Variants in MAP3K20 observed in about 807,000 individuals in gnomAD.
MAP3K20 encodes HCCS-4.
In MAP3K20, 40 loss-of-function variants were observed where a neutral mutation model predicts 85.7. That is an observed-to-expected ratio of 0.47 (90% CI 0.36 to 0.61). MAP3K20 has a LOEUF of 0.61. Among genes scored for constraint, MAP3K20 ranks in the 20% least tolerant of loss-of-function variants. MAP3K20 has a pLI of 0.00. For missense variants in MAP3K20, 817 were observed against 961.7 expected (o/e 0.85, Z 1.99); for synonymous variants, 325 against 327.7 (o/e 0.99, Z 0.09).
rs1039832072 is a variant in MAP3K20, at chr2:173,232,530, G to A, written c.1203+71G>A. On this transcript the variant is annotated intron_variant, in intron 14 of 19. Transcript: ENST00000375213. ...TTTGTTTGGTTTTTTTTGAGGCAGAGTCTTGCTCTGTTGCCCAGGCTGGAG... is the reference window on the plus strand; with the variant it reads ...TTTGTTTGGTTTTTTTTGAGGCAGAATCTTGCTCTGTTGCCCAGGCTGGAG... 8 of 1,576,104 alleles carry A rather than the reference G, an allele frequency of 5.1e-6. No individual in the cohort carries two copies. The Admixed American group carries it at 1.5e-4, about 29-fold the overall frequency.
At chr2:173,113,764 A>G (rs12997078) in intron 2 of MAP3K20, among the ~76,000 whole-genome samples, 42,752 of 152,006 alleles carry the variant, frequency 0.28, 7,434 homozygotes, top group Non-Finnish European at 0.39. Flanking sequence ...AGTGCTTGAT[A>G]TAATTTCAGT....
chr2:173,128,992 C>T (rs549833003), intron 2 of MAP3K20, among the ~76,000 whole-genome samples: 147 of 142,246 alleles, frequency 1.0e-3, no homozygotes, highest in African/African-American at 3.9e-3. Flanking sequence ...GGCGCAATCT[C>T]GGCTCACTGC....
intron 15 of MAP3K20, among the ~76,000 whole-genome samples, chr2:173,238,639 G>T (rs1684709572): frequency 6.6e-6 from 1 of 152,112 alleles, no homozygotes; most frequent in Non-Finnish European, 1.5e-5. Context: ...TTAACAATTT[G>T]TTCATGATAA....
At chr2:173,225,815 G>A (rs1209442779) in intron 11 of MAP3K20, 22 of 984,364 alleles carry the variant, frequency 2.2e-5, no homozygotes, top group Admixed American at 6.2e-5. Flanking sequence ...CCCTAAAAAT[G>A]GTTTCTTTCT....
Position 173,223,940 on chromosome 2 carries a change from T to C in MAP3K20, c.988-5749T>C, listed in dbSNP as rs79674068. 126 of 985,350 alleles carry C rather than the reference T, an allele frequency of 1.3e-4. 2 individuals carry two copies. Among genetic ancestry groups the C allele is most frequent in the African/African-American group, 4.9e-4 (28 of 57,306 alleles). The allele number at this position is 985,350 out of a possible 1,614,324, so 61.0% of individuals were successfully genotyped here. On this transcript the variant is annotated intron_variant, in intron 11 of 19. Coordinates refer to ENST00000375213, the MANE Select transcript of MAP3K20 (RefSeq NM_016653.3). ...GTCAGCCACCTGAAGAGAGAGCCAA[T>C]AGCATGGGGTTTACAAGGCAAAGAT...
At chr2:173,223,993 A>C (rs1684320994) in intron 11 of MAP3K20, 3 of 985,284 alleles carry the variant, frequency 3.0e-6, no homozygotes. Flanking sequence ...ATATTCATAG[A>C]GCTCCTTCTC....
At chr2:173,111,647 G>T (rs180915622) in intron 2 of MAP3K20, among the ~76,000 whole-genome samples, 1 of 152,276 alleles carries the variant, frequency 6.6e-6, no homozygotes, top group East Asian at 1.9e-4. Flanking sequence ...CATGTGGCTA[G>T]CCAATTATCC....
intron 8 of MAP3K20, 84 bp from the exon 9 acceptor site, chr2:173,203,712 T>A: frequency 9.5e-7 from 1 of 1,056,438 alleles, no homozygotes; most frequent in East Asian, 2.4e-5. Context: ...ATAACTCTAT[T>A]ATGACCCTTC....
chr2:173,240,853 T>C (rs545809485), intron 16 of MAP3K20, among the ~76,000 whole-genome samples: 2 of 152,280 alleles, frequency 1.3e-5, no homozygotes, highest in South Asian at 4.1e-4. Context: ...AATCCAACAT[T>C]TGGAAGCAAA....
chr2:173,178,366 G>A (rs182294539), intron 3 of MAP3K20, among the ~76,000 whole-genome samples: 2 of 152,222 alleles, frequency 1.3e-5, no homozygotes, highest in Non-Finnish European at 2.9e-5. Flanking sequence ...GAATTAGGCT[G>A]GGCGCAGTGG....
chr2:173,148,533 A>T (rs1689203114), intron 2 of MAP3K20, among the ~76,000 whole-genome samples: 1 of 152,152 alleles, frequency 6.6e-6, no homozygotes, highest in African/African-American at 2.4e-5. Flanking sequence ...TTGGCCCTTG[A>T]GCAGACCTTC....
chr2:173,209,761 C>A lies in MAP3K20; in HGVS notation c.777C>A (p.Ile259=). Residue 259 remains isoleucine, a synonymous_variant, in exon 10 of 20, where the codon ATC becomes ATA. Coordinates refer to ENST00000375213, the MANE Select transcript of MAP3K20 (RefSeq NM_016653.3). The stretch of plus-strand genomic sequence containing the variant: ...CATCATTCAAGCAAATCATTTCAAT[C>A]CTGGAGTCCATGTCAAATGACACGA... ...KRPSFKQIIS[I]LESMSNDTSL... 6.2e-7 allele frequency: 1 copy of A among 1,612,736 alleles called. No individual in the cohort carries two copies. The highest frequency in any genetic ancestry group is 2.2e-5 in the East Asian group (1 of 44,870).
chr2:173,158,068 T>C (rs1190012854), intron 2 of MAP3K20, among the ~76,000 whole-genome samples: 1 of 152,230 alleles, frequency 6.6e-6, no homozygotes, highest in Non-Finnish European at 1.5e-5. Context: ...GGCTTTGCCA[T>C]TTCTTGTACC....
intron 14 of MAP3K20, among the ~76,000 whole-genome samples, chr2:173,235,001 G>A (rs1266969361): frequency 6.6e-6 from 1 of 152,224 alleles, no homozygotes; most frequent in African/African-American, 2.4e-5. Context: ...AGGGGAAGAT[G>A]TCACAGGTAA....
chr2:173,122,468 A>G (rs1316070836), intron 2 of MAP3K20, among the ~76,000 whole-genome samples: 1 of 152,190 alleles, frequency 6.6e-6, no homozygotes, highest in Non-Finnish European at 1.5e-5. Flanking sequence ...TAGTAATGGC[A>G]GCAGGCCTCT....
chr2:173,233,026 C>A (rs1264927552), intron 14 of MAP3K20, among the ~76,000 whole-genome samples: 1 of 152,140 alleles, frequency 6.6e-6, no homozygotes, highest in Non-Finnish European at 1.5e-5. Context: ...CTGAATATCA[C>A]CCCCCTGCCC....
chr2:173,232,797 C>T (rs1465436874), intron 14 of MAP3K20, among the ~76,000 whole-genome samples: 1 of 152,174 alleles, frequency 6.6e-6, no homozygotes, highest in Non-Finnish European at 1.5e-5. Context: ...AGCCACCAGG[C>T]CTGGCCTCCA....
chr2:173,121,650 G>A (rs1157108772), intron 2 of MAP3K20, among the ~76,000 whole-genome samples: 3 of 151,940 alleles, frequency 2.0e-5, no homozygotes, highest in Non-Finnish European at 4.4e-5. Flanking sequence ...GCCTCCCAAA[G>A]TGCTGGGATT....
intron 2 of MAP3K20, among the ~76,000 whole-genome samples, chr2:173,100,930 C>G (rs1359870913): frequency 1.3e-5 from 2 of 152,194 alleles, no homozygotes; most frequent in Non-Finnish European, 1.5e-5. Flanking sequence ...TTCTACCAGA[C>G]ATTTCTGTTA....
Sources: allele counts gnomAD v4.1 joint callset (sites outside exome capture counted in the v4.1 genomes callset), GRCh38; gene constraint gnomAD v4.1.1; transcripts MANE v1.5; gene names NCBI Gene and HGNC (gene_info 2026-07-23, HGNC 2026-07-21).